Variants in TOX observed in about 807,000 individuals in gnomAD.
The protein encoded by TOX is thymocyte selection-associated high mobility group box protein TOX.
A neutral mutation model predicts 53.7 loss-of-function variants in TOX; 11 were observed. That is an observed-to-expected ratio of 0.20 (90% CI 0.13 to 0.34). The LOEUF is 0.34. Ranked by LOEUF, TOX falls within the 10% of genes least tolerant of loss-of-function variation. The pLI, the probability that TOX is intolerant of heterozygous loss-of-function variation, is 1.00. For missense variants in TOX, 570 were observed against 664.6 expected (o/e 0.86, Z 1.56); for synonymous variants, 225 against 245.3 (o/e 0.92, Z 0.77).
rs550787132 is a variant in TOX at position 59,042,486 on chromosome 8, C to T, written c.102+76400G>A. Among the ~76,000 whole-genome samples, 197 of 152,300 alleles carry T rather than the reference C, an allele frequency of 1.3e-3. 1 individual carries two copies. Among genetic ancestry groups the T allele is most frequent in the South Asian group, 1.7e-3 (8 of 4,830 alleles). On this transcript the variant is annotated intron_variant, in intron 1 of 8. Coordinates refer to ENST00000361421, the MANE Select transcript of TOX (RefSeq NM_014729.3). ...AGGAACAACTGAGAATAATTTACTT[C>T]TTTATAGGAACTATTTGCATTTTTA... is the stretch of plus-strand genomic sequence containing the variant.
chr8:59,097,495 T>G (rs1804732849), intron 1 of TOX, among the ~76,000 whole-genome samples: 1 of 152,236 alleles, frequency 6.6e-6, no homozygotes, highest in Admixed American at 6.5e-5. Flanking sequence ...TAATTTCATT[T>G]TGCAGATGGG....
At chr8:59,030,892 T>C (rs1814343209) in intron 1 of TOX, among the ~76,000 whole-genome samples, 1 of 152,220 alleles carries the variant, frequency 6.6e-6, no homozygotes, top group Admixed American at 6.5e-5. Flanking sequence ...TACTGAGTCA[T>C]TGTGTCAGAA....
At chr8:58,914,272 T>C (rs774494614) in intron 3 of TOX, among the ~76,000 whole-genome samples, 20 of 152,222 alleles carry the variant, frequency 1.3e-4, no homozygotes, top group Non-Finnish European at 2.2e-4. Context: ...TATTGAGCTG[T>C]ATAATGAAGG....
chr8:59,103,389 A>T (rs1804841796), intron 1 of TOX, among the ~76,000 whole-genome samples: 1 of 152,202 alleles, frequency 6.6e-6, no homozygotes, highest in African/African-American at 2.4e-5. Flanking sequence ...GTCTCCTAGG[A>T]GCAAAGAACT....
At chr8:59,091,916 C>T (rs1487141885) in intron 1 of TOX, among the ~76,000 whole-genome samples, 1 of 152,030 alleles carries the variant, frequency 6.6e-6, no homozygotes, top group African/African-American at 2.4e-5. Context: ...TTTCCATCTC[C>T]CGTATTTATT....
chr8:58,819,555 T>G (rs1045073781), intron 6 of TOX, among the ~76,000 whole-genome samples: 1 of 152,158 alleles, frequency 6.6e-6, no homozygotes, highest in Non-Finnish European at 1.5e-5. Flanking sequence ...CTGTAGGGAG[T>G]TCCTTTGACA....
chr8:58,873,278 T>A (rs1811227187), intron 3 of TOX, among the ~76,000 whole-genome samples: 2 of 152,174 alleles, frequency 1.3e-5, no homozygotes, highest in South Asian at 4.1e-4. Context: ...GCTGCTGAAT[T>A]ACAACATGAT....
intron 5 of TOX, among the ~76,000 whole-genome samples, chr8:58,829,041 G>A (rs527288031): frequency 6.6e-6 from 1 of 152,246 alleles, no homozygotes; most frequent in African/African-American, 2.4e-5. Flanking sequence ...ATGCACTTTG[G>A]TTCATAGCAT....
At chr8:59,052,312 A>G (rs1803806072) in intron 1 of TOX, among the ~76,000 whole-genome samples, 1 of 152,192 alleles carries the variant, frequency 6.6e-6, no homozygotes, top group Non-Finnish European at 1.5e-5. Context: ...TCATTTTTCA[A>G]TCAATACTTA....
At chr8:58,947,545 TGA>T (rs1812543802) in intron 2 of TOX, among the ~76,000 whole-genome samples, 1 of 152,118 alleles carries the variant, frequency 6.6e-6, no homozygotes, top group Admixed American at 6.5e-5. Context: ...TCAAAAACTG[TGA>T]GTGTTCTTAT....
intron 1 of TOX, among the ~76,000 whole-genome samples, chr8:59,113,705 G>A (rs1805057886): frequency 6.6e-6 from 1 of 152,096 alleles, no homozygotes. Flanking sequence ...AGCAAGGGTG[G>A]TCCCAGGAGT....
intron 6 of TOX, among the ~76,000 whole-genome samples, chr8:58,817,978 C>G (rs745347687): frequency 6.6e-6 from 1 of 151,856 alleles, no homozygotes; most frequent in African/African-American, 2.4e-5. Flanking sequence ...TTCCTGAATT[C>G]TACTATTTAA....
At chr8:59,062,544 G>A (rs548150188) in intron 1 of TOX, among the ~76,000 whole-genome samples, 12 of 152,324 alleles carry the variant, frequency 7.9e-5, no homozygotes, top group Non-Finnish European at 1.5e-4. Flanking sequence ...TTATATAAGT[G>A]TGCTTCAATA....
chr8:59,045,841 T>G (rs1341435152), intron 1 of TOX, among the ~76,000 whole-genome samples: 2 of 152,244 alleles, frequency 1.3e-5, no homozygotes, highest in African/African-American at 2.4e-5. Context: ...TACCTGTGAT[T>G]ATCATGGAAT....
intron 4 of TOX, among the ~76,000 whole-genome samples, chr8:58,841,574 C>T (rs114052623): frequency 0.015 from 2,241 of 152,184 alleles, 62 homozygotes; most frequent in African/African-American, 0.051. Flanking sequence ...TGAATAAGTT[C>T]TGGGGATCTA....
At chr8:59,061,005 A>G (rs996998862) in intron 1 of TOX, among the ~76,000 whole-genome samples, 1 of 152,218 alleles carries the variant, frequency 6.6e-6, no homozygotes, top group Admixed American at 6.5e-5. Context: ...CTTCCCTTGT[A>G]TCACTCCCTA....
intron 3 of TOX, among the ~76,000 whole-genome samples, chr8:58,913,477 C>A (rs1433913677): frequency 6.6e-6 from 1 of 152,194 alleles, no homozygotes; most frequent in Admixed American, 6.5e-5. Context: ...TCGTACAGCA[C>A]TTAGCCTGCT....
intron 4 of TOX, among the ~76,000 whole-genome samples, chr8:58,841,777 C>T (rs1166110331): frequency 1.3e-5 from 2 of 152,150 alleles, no homozygotes; most frequent in Non-Finnish European, 2.9e-5. Flanking sequence ...TAAATACATA[C>T]AATTTTATTT....
intron 1 of TOX, among the ~76,000 whole-genome samples, chr8:59,009,370 C>CTCTT (rs1035163021): frequency 6.7e-6 from 1 of 149,298 alleles, no homozygotes; most frequent in Non-Finnish European, 1.5e-5. Context: ...CTCTCTTTCT[C>CTCTT]TCTTTCTTTC....
Sources: allele counts gnomAD v4.1 joint callset (sites outside exome capture counted in the v4.1 genomes callset), GRCh38; gene constraint gnomAD v4.1.1; transcripts MANE v1.5; gene names NCBI Gene and HGNC (gene_info 2026-07-23, HGNC 2026-07-21).